The following ACOXL variants were observed in gnomAD, a reference collection of about 807,000 sequenced individuals.
ACOXL encodes acyl-coenzyme A oxidase-like protein.
In ACOXL, 70 loss-of-function variants were observed where a neutral mutation model predicts 71.9. That is an observed-to-expected ratio of 0.97 (90% CI 0.80 to 1.19). ACOXL has a LOEUF of 1.19. ACOXL is among the 50% of genes most tolerant of loss of function. The pLI, the probability that ACOXL is intolerant of heterozygous loss-of-function variation, is 0.00. For missense variants in ACOXL, 703 were observed against 736.3 expected, an observed-to-expected ratio of 0.95 and a Z score of 0.52; for synonymous variants, 253 against 281.6, an observed-to-expected ratio of 0.90 and a Z score of 1.02.
intron 14 of ACOXL, among the ~76,000 whole-genome samples, chr2:111,013,522 C>CAAAAAAAA (rs56905916): frequency 3.1e-5 from 3 of 95,528 alleles, no homozygotes; most frequent in Non-Finnish European, 4.3e-5. Flanking sequence ...GACCCTGTCT[C>CAAAAAAAA]AAAAAAAAAA....
At chr2:110,870,340 CT>C (rs138530387) in intron 10 of ACOXL, among the ~76,000 whole-genome samples, 380 of 145,920 alleles carry the variant, frequency 2.6e-3, no homozygotes, top group African/African-American at 5.3e-3. Context: ...AAGCCCTAGA[CT>C]TTTTTTTTTT....
intron 10 of ACOXL, among the ~76,000 whole-genome samples, chr2:110,891,478 A>T (rs1295688818): frequency 1.3e-5 from 2 of 151,434 alleles, no homozygotes; most frequent in African/African-American, 4.9e-5. Context: ...TAGTATGACA[A>T]TACCTGCCTT....
intron 16 of ACOXL, among the ~76,000 whole-genome samples, chr2:111,080,519 G>T (rs2067848073): frequency 1.3e-5 from 2 of 152,010 alleles, no homozygotes; most frequent in Admixed American, 1.3e-4. Context: ...TGTGATTGAG[G>T]CAATAATTAA....
intron 12 of ACOXL, among the ~76,000 whole-genome samples, chr2:110,969,874 G>T (rs1277359199): frequency 6.6e-6 from 1 of 151,774 alleles, no homozygotes; most frequent in Non-Finnish European, 1.5e-5. Context: ...TGACAACTTA[G>T]AGGAAATGGA....
intron 10 of ACOXL, among the ~76,000 whole-genome samples, chr2:110,859,565 GA>G (rs1463253635): frequency 6.6e-6 from 1 of 152,248 alleles, no homozygotes; most frequent in African/African-American, 2.4e-5. Flanking sequence ...GGTGCCTAGG[GA>G]GAAGGGCGGA....
At chr2:111,048,528 G>T (rs896440785) in intron 15 of ACOXL, among the ~76,000 whole-genome samples, 4 of 152,124 alleles carry the variant, frequency 2.6e-5, no homozygotes, top group Admixed American at 1.3e-4. Context: ...ATAAAAATTG[G>T]TCACCACATA....
chr2:110,941,938 A>G (rs1330051334), intron 12 of ACOXL, among the ~76,000 whole-genome samples: 1 of 152,232 alleles, frequency 6.6e-6, no homozygotes, highest in Non-Finnish European at 1.5e-5. Flanking sequence ...TAGCACTTAA[A>G]TATCTTTAAA....
At chr2:110,955,165 C>G (rs1457614466) in intron 12 of ACOXL, among the ~76,000 whole-genome samples, 1 of 152,098 alleles carries the variant, frequency 6.6e-6, no homozygotes, top group Non-Finnish European at 1.5e-5. Flanking sequence ...ACATTTTAGG[C>G]CACTCATTTT....
At position 110,996,023 on chromosome 2, in the gene ACOXL, A is replaced by G. The variant is rs1222829041; in HGVS notation, c.1281+19A>G. On this transcript the variant is annotated intron_variant, in intron 14 of 17. Coordinates refer to ENST00000439055, the MANE Select transcript of ACOXL (RefSeq NM_001142807.4). ...TTATAAGGTAAAGATACACTGTGTTATATTTTTCCTTTTGACATGTGTTTA... is the reference window on the plus strand; with the variant it reads ...TTATAAGGTAAAGATACACTGTGTTGTATTTTTCCTTTTGACATGTGTTTA... 6 of 1,583,594 alleles carry G rather than the reference A, an allele frequency of 3.8e-6. No individual in the cohort carries two copies. The highest frequency in any genetic ancestry group is 2.2e-5 in the South Asian group (2 of 90,592).
At chr2:110,862,937 C>T (rs1287663010) in intron 10 of ACOXL, among the ~76,000 whole-genome samples, 1 of 152,244 alleles carries the variant, frequency 6.6e-6, no homozygotes, top group Non-Finnish European at 1.5e-5. Context: ...CTACCACCTT[C>T]AATGCACCCA....
intron 14 of ACOXL, among the ~76,000 whole-genome samples, chr2:111,021,750 G>A (rs112547558): frequency 1.3e-5 from 2 of 152,118 alleles, no homozygotes; most frequent in African/African-American, 2.4e-5. Context: ...TGAGAGAAGA[G>A]TGGAAGTTGA....
intron 15 of ACOXL, among the ~76,000 whole-genome samples, chr2:111,043,864 A>G (rs1415435150): frequency 6.6e-6 from 1 of 152,166 alleles, no homozygotes; most frequent in Admixed American, 6.5e-5. Flanking sequence ...CACTGTAGGT[A>G]TCTGAGATGA....
chr2:110,925,684 C>T (rs2060243677), intron 11 of ACOXL, among the ~76,000 whole-genome samples: 1 of 152,154 alleles, frequency 6.6e-6, no homozygotes, highest in Admixed American at 6.5e-5. Context: ...CAGCAAAAGT[C>T]TGTTTTGCTT....
intron 12 of ACOXL, among the ~76,000 whole-genome samples, chr2:110,971,945 A>G (rs1430468551): frequency 6.6e-6 from 1 of 152,226 alleles, no homozygotes. Context: ...ATGTGATTCA[A>G]CAGCACTTGA....
At chr2:111,018,714 G>C (rs866936536) in intron 14 of ACOXL, among the ~76,000 whole-genome samples, 18 of 135,086 alleles carry the variant, frequency 1.3e-4, no homozygotes, top group African/African-American at 4.7e-4. Flanking sequence ...AGGCTGGAGG[G>C]GGTGTTGGTG....
At chr2:110,903,836 G>A (rs952551924) in intron 10 of ACOXL, among the ~76,000 whole-genome samples, 1 of 152,244 alleles carries the variant, frequency 6.6e-6, no homozygotes, top group Non-Finnish European at 1.5e-5. Flanking sequence ...TGGGGCCTGA[G>A]AGCATAAATA....
chr2:110,750,893 C>A (rs1678852298), intron 1 of ACOXL, among the ~76,000 whole-genome samples: 1 of 151,986 alleles, frequency 6.6e-6, no homozygotes, highest in South Asian at 2.1e-4. Flanking sequence ...CCATGTTGCC[C>A]AGGCTGATCT....
intron 17 of ACOXL, chr2:111,094,224 G>C (rs1017576203): frequency 1.2e-4 from 18 of 152,190 alleles, no homozygotes. Context: ...GAACCTTGAA[G>C]AACATTTTTC....
At chr2:111,043,194 G>T (rs2065864914) in intron 15 of ACOXL, among the ~76,000 whole-genome samples, 2 of 152,178 alleles carry the variant, frequency 1.3e-5, no homozygotes, top group Non-Finnish European at 2.9e-5. Context: ...GGGACAGTGA[G>T]CAGGGCCCTC....
Sources: gnomAD v4.1 joint callset for allele counts (sites outside exome capture counted in the v4.1 genomes callset) on GRCh38, gnomAD v4.1.1 for gene constraint, MANE v1.5 for transcripts, NCBI Gene and HGNC (gene_info 2026-07-23, HGNC 2026-07-21) for gene names.